Variants in NUDT9 observed in about 807,000 individuals in gnomAD.
NUDT9 encodes the protein ADP-ribose pyrophosphatase.
NUDT9 carries 31 observed loss-of-function variants against 41.0 expected under a neutral mutation model. That is an observed-to-expected ratio of 0.76 (90% CI 0.57 to 1.02). NUDT9 has a LOEUF of 1.02. NUDT9 is among the 50% of genes least tolerant of loss of function. The pLI is 0.00. For missense variants in NUDT9, 380 were observed against 431.4 expected, an observed-to-expected ratio of 0.88 and a Z score of 1.06; for synonymous variants, 146 against 147.6, an observed-to-expected ratio of 0.99 and a Z score of 0.08.
chr4:87,445,542 A>C (rs894116379), intron 4 of NUDT9: 5 of 152,180 alleles, frequency 3.3e-5, no homozygotes, highest in African/African-American at 1.2e-4. Flanking sequence ...GATCCTCTAG[A>C]GTCAAAATGA....
Position 87,438,186 on chromosome 4 carries a change from C to G in NUDT9, c.348-91C>G, listed in dbSNP as rs1018666007. On this transcript the variant is annotated intron_variant, in intron 2 of 7. Coordinates refer to ENST00000302174, the MANE Select transcript of NUDT9 (RefSeq NM_024047.5). ...TTAAAAATTTATTGTTTCAGGAATA[C>G]TTCTTATGGATAACAGATTGACTTT... 6 of 502,540 alleles carry G rather than the reference C, an allele frequency of 1.2e-5. No individual in the cohort carries two copies. In the South Asian group the frequency reaches 1.7e-4, roughly 14 times the overall value. 31.1% of individuals were successfully genotyped at this position (502,540 alleles called of 1,614,324 possible). A position where few individuals can be genotyped will look rare whatever the true frequency, so the allele number is the denominator to read the frequency against.
chr4:87,450,823 GAC>G (rs1722678112), intron 5 of NUDT9, among the ~76,000 whole-genome samples: 1 of 152,060 alleles, frequency 6.6e-6, no homozygotes, highest in Non-Finnish European at 1.5e-5. Context: ...TTATCATTTT[GAC>G]AGTTATTCAT....
chr4:87,435,675 A>G (rs1385221583), intron 2 of NUDT9, among the ~76,000 whole-genome samples: 1 of 152,204 alleles, frequency 6.6e-6, no homozygotes, highest in Non-Finnish European at 1.5e-5. Flanking sequence ...GTGTGAAAAA[A>G]TAGAAAAGGG....
intron 3 of NUDT9, among the ~76,000 whole-genome samples, chr4:87,440,523 G>A (rs574996952): frequency 1.3e-5 from 2 of 152,244 alleles, no homozygotes; most frequent in East Asian, 3.9e-4. Flanking sequence ...TTGATCACTT[G>A]TGTTCAGGGG....
chr4:87,451,330 C>T (rs1015088331), intron 5 of NUDT9, among the ~76,000 whole-genome samples: 3 of 152,040 alleles, frequency 2.0e-5, no homozygotes, highest in Non-Finnish European at 2.9e-5. Context: ...TTCCTTAGTT[C>T]GAGTTTGGCA....
intron 1 of NUDT9, among the ~76,000 whole-genome samples, chr4:87,428,135 A>G (rs1174808559): frequency 3.3e-5 from 5 of 152,162 alleles, no homozygotes; most frequent in East Asian, 3.8e-4. Context: ...TAACTTCTTT[A>G]TTAGTTAGGT....
At chr4:87,457,819 TG>T in intron 7 of NUDT9, 23 bp from the exon 8 acceptor site, 1 of 1,601,564 alleles carries the variant, frequency 6.2e-7, no homozygotes, top group Non-Finnish European at 8.5e-7. Flanking sequence ...TTTTTCTTGG[TG>T]ATGGTTTTTC....
chr4:87,452,589 C>G (rs928299544), intron 6 of NUDT9, among the ~76,000 whole-genome samples: 1 of 151,388 alleles, frequency 6.6e-6, no homozygotes, highest in Non-Finnish European at 1.5e-5. Flanking sequence ...TAGCTGGGAC[C>G]ACAGGCAAAC....
chr4:87,457,768 A>T, intron 7 of NUDT9, 75 bp from the exon 8 acceptor site: 2 of 1,319,600 alleles, frequency 1.5e-6, no homozygotes, highest in Non-Finnish European at 2.1e-6. Context: ...TATTTTAAAT[A>T]AGAATACTTG....
intron 1 of NUDT9, among the ~76,000 whole-genome samples, chr4:87,432,347 A>G (rs1440023644): frequency 6.6e-6 from 1 of 152,252 alleles, no homozygotes; most frequent in African/African-American, 2.4e-5. Flanking sequence ...GACCCATCAC[A>G]TGAAGCCAGG....
chr4:87,454,283 T>A, intron 6 of NUDT9, 88 bp from the exon 7 acceptor site: 1 of 727,710 alleles, frequency 1.4e-6, no homozygotes, highest in Non-Finnish European at 2.5e-6. Context: ...ACAGGATATT[T>A]ACATTTCTGA....
chr4:87,424,257 T>A (rs889765523), intron 1 of NUDT9, among the ~76,000 whole-genome samples: 79 of 61,560 alleles, frequency 1.3e-3, no homozygotes, highest in African/African-American at 4.2e-3. Context: ...CTAATGCGTT[T>A]TTTTTTTTTT....
intron 1 of NUDT9, 42 bp from the exon 2 acceptor site, chr4:87,434,939 T>A (rs746916769): frequency 1.1e-5 from 17 of 1,552,310 alleles, no homozygotes; most frequent in Non-Finnish European, 1.4e-5. Flanking sequence ...AATTAATATA[T>A]TTTTGGTATT....
At chr4:87,457,352 C>T (rs1418101645) in intron 7 of NUDT9, among the ~76,000 whole-genome samples, 1 of 150,144 alleles carries the variant, frequency 6.7e-6, no homozygotes, top group Non-Finnish European at 1.5e-5. Flanking sequence ...TCTCTTGCCT[C>T]AGCCTCCCAA....
intron 4 of NUDT9, among the ~76,000 whole-genome samples, chr4:87,448,069 T>G (rs992772496): frequency 6.6e-6 from 1 of 151,848 alleles, no homozygotes; most frequent in Non-Finnish European, 1.5e-5. Context: ...AAGTACTGCT[T>G]TTGACACCAG....
At chr4:87,456,863 G>A (rs1398100595) in intron 7 of NUDT9, among the ~76,000 whole-genome samples, 1 of 152,092 alleles carries the variant, frequency 6.6e-6, no homozygotes. Context: ...CTCAGGACGC[G>A]GAGGTTGCAG....
rs1454380182 is a variant in NUDT9 at position 87,422,796 on chromosome 4, C to T, written c.-110C>T. 3 of 749,086 alleles carry T rather than the reference C, an allele frequency of 4.0e-6. No homozygotes were observed. The highest frequency in any genetic ancestry group is 2.6e-5 in the East Asian group (1 of 39,200). The allele number at this position is 749,086 out of a possible 1,614,324, so 46.4% of individuals were successfully genotyped here. On this transcript the variant is annotated 5_prime_UTR_variant, in exon 1 of 8. Transcript: ENST00000302174. ...TTCGGGAACCCAACGGCAGACAGGT[C>T]CTAGTGCCCATCAGATACCCGCGGC... is the stretch of plus-strand genomic sequence containing the variant.
chr4:87,433,308 A>C (rs1403962464), intron 1 of NUDT9, among the ~76,000 whole-genome samples: 1 of 152,140 alleles, frequency 6.6e-6, no homozygotes. Context: ...GTCTTAATCT[A>C]TCTGGAAGAG....
At chr4:87,431,739 A>G (rs1033974342) in intron 1 of NUDT9, among the ~76,000 whole-genome samples, 5 of 151,980 alleles carry the variant, frequency 3.3e-5, no homozygotes, top group African/African-American at 9.7e-5. Flanking sequence ...TGTTTTTGAG[A>G]TGGAGCCTTG....
Sources: gnomAD v4.1 joint callset for allele counts (sites outside exome capture counted in the v4.1 genomes callset) on GRCh38, gnomAD v4.1.1 for gene constraint, MANE v1.5 for transcripts, NCBI Gene and HGNC (gene_info 2026-07-23, HGNC 2026-07-21) for gene names.